Variants in CAMTA1 observed in about 807,000 individuals in gnomAD.
CAMTA1 encodes calmodulin-binding transcription activator 1.
A neutral mutation model predicts 170.9 loss-of-function variants in CAMTA1; 27 were observed. The observed-to-expected ratio is 0.16, with a 90% CI of 0.12 to 0.22. The LOEUF is 0.22. Ranked by LOEUF, CAMTA1 falls within the 10% of genes least tolerant of loss-of-function variation. The pLI, the probability that CAMTA1 is intolerant of heterozygous loss-of-function variation, is 1.00. For missense variants in CAMTA1, 1,619 were observed against 2,217.2 expected, an observed-to-expected ratio of 0.73 and a Z score of 5.42; for synonymous variants, 833 against 891.5, an observed-to-expected ratio of 0.93 and a Z score of 1.17.
intron 5 of CAMTA1, among the ~76,000 whole-genome samples, chr1:7,466,633 G>T (rs995707297): frequency 1.9e-4 from 29 of 152,170 alleles, no homozygotes; most frequent in African/African-American, 7.0e-4. Flanking sequence ...AGCAAGGAGA[G>T]GTGGGGGAGG....
At chr1:7,686,336 G>A (rs1169301358) in intron 11 of CAMTA1, among the ~76,000 whole-genome samples, 1 of 152,180 alleles carries the variant, frequency 6.6e-6, no homozygotes, top group African/African-American at 2.4e-5. Flanking sequence ...GTCAGAGGAG[G>A]CCTGTATGAG....
At chr1:7,575,436 T>A (rs2095179404) in intron 6 of CAMTA1, among the ~76,000 whole-genome samples, 1 of 152,190 alleles carries the variant, frequency 6.6e-6, no homozygotes, top group South Asian at 2.1e-4. Context: ...TCCTCCTGTT[T>A]CTTAGGGGCA....
chr1:7,765,755 C>G (rs1255036317), intron 22 of CAMTA1, among the ~76,000 whole-genome samples: 1 of 152,112 alleles, frequency 6.6e-6, no homozygotes, highest in Non-Finnish European at 1.5e-5. Flanking sequence ...AGGCCGGGCG[C>G]GGTGGCTCAC....
intron 3 of CAMTA1, among the ~76,000 whole-genome samples, chr1:7,039,605 A>G (rs1027428957): frequency 6.6e-6 from 1 of 152,196 alleles, no homozygotes; most frequent in African/African-American, 2.4e-5. Context: ...GGGGCGTTCT[A>G]TTCTGTGAAA....
intron 4 of CAMTA1, among the ~76,000 whole-genome samples, chr1:7,161,755 C>T (rs1210656499): frequency 4.6e-5 from 7 of 152,116 alleles, no homozygotes; most frequent in East Asian, 1.9e-4. Flanking sequence ...AGCACAAAAA[C>T]GGACTAATAT....
At chr1:7,414,268 C>T (rs1173428419) in intron 5 of CAMTA1, among the ~76,000 whole-genome samples, 6 of 152,084 alleles carry the variant, frequency 3.9e-5, no homozygotes, top group African/African-American at 4.8e-5. Flanking sequence ...TGATGCTGGC[C>T]TCATAAAATG....
chr1:7,552,206 C>A (rs1372943772), intron 6 of CAMTA1, among the ~76,000 whole-genome samples: 1 of 152,222 alleles, frequency 6.6e-6, no homozygotes. Context: ...CCCAGTGCCA[C>A]CCAGCCTAGC....
chr1:7,564,488 G>T (rs550538152), intron 6 of CAMTA1, among the ~76,000 whole-genome samples: 38 of 152,352 alleles, frequency 2.5e-4, no homozygotes, highest in African/African-American at 8.9e-4. Flanking sequence ...GGGAAAACGG[G>T]CTCCTCTGCC....
At chr1:6,923,596 C>T (rs185999769) in intron 3 of CAMTA1, among the ~76,000 whole-genome samples, 70 of 152,124 alleles carry the variant, frequency 4.6e-4, no homozygotes, top group Non-Finnish European at 5.9e-4. Flanking sequence ...TGGAGGGTGG[C>T]GGGGCTGGGG....
At chr1:7,266,226 G>T (rs544788465) in intron 5 of CAMTA1, among the ~76,000 whole-genome samples, 1 of 152,178 alleles carries the variant, frequency 6.6e-6, no homozygotes, top group Admixed American at 6.5e-5. Flanking sequence ...AAGGAACATG[G>T]TTCAGTTGCG....
At chr1:7,004,497 G>T (rs1205501884) in intron 3 of CAMTA1, among the ~76,000 whole-genome samples, 1 of 152,118 alleles carries the variant, frequency 6.6e-6, no homozygotes, top group Admixed American at 6.5e-5. Flanking sequence ...GGAGCCTTCA[G>T]AACTATGTGT....
chr1:7,733,425 CATT>C (rs1266667468), intron 12 of CAMTA1, among the ~76,000 whole-genome samples: 10 of 152,272 alleles, frequency 6.6e-5, no homozygotes, highest in African/African-American at 2.4e-4. Context: ...TGTAGAATGA[CATT>C]ATACATTACA....
At chr1:6,839,982 C>T (rs1654986322) in intron 3 of CAMTA1, among the ~76,000 whole-genome samples, 1 of 152,130 alleles carries the variant, frequency 6.6e-6, no homozygotes, top group African/African-American at 2.4e-5. Context: ...GGGCAGATCA[C>T]CTGAGGTCAG....
intron 3 of CAMTA1, among the ~76,000 whole-genome samples, chr1:6,999,187 G>A (rs1227540331): frequency 6.6e-6 from 1 of 152,096 alleles, no homozygotes; most frequent in Non-Finnish European, 1.5e-5. Context: ...TTGAATTCTT[G>A]TTCTGGTTTG....
At chr1:6,937,795 C>CCAT (rs1553191925) in intron 3 of CAMTA1, among the ~76,000 whole-genome samples, 39 of 144,836 alleles carry the variant, frequency 2.7e-4, no homozygotes, top group African/African-American at 6.4e-4. Context: ...ACCACCATCA[C>CCAT]CATCACCATC....
At chr1:6,871,114 A>G (rs1668284087) in intron 3 of CAMTA1, among the ~76,000 whole-genome samples, 2 of 152,190 alleles carry the variant, frequency 1.3e-5, no homozygotes, top group Admixed American at 6.5e-5. Flanking sequence ...ATACAGGAAA[A>G]ACAAAACAAA....
intron 11 of CAMTA1, among the ~76,000 whole-genome samples, chr1:7,716,002 G>A (rs1233808709): frequency 6.6e-6 from 1 of 152,134 alleles, no homozygotes; most frequent in Non-Finnish European, 1.5e-5. Flanking sequence ...TTATCAGAAG[G>A]GTCTATGATG....
intron 6 of CAMTA1, among the ~76,000 whole-genome samples, chr1:7,590,986 G>A (rs2150481326): frequency 1.3e-5 from 2 of 152,308 alleles, no homozygotes; most frequent in Admixed American, 1.3e-4. Flanking sequence ...GATAGGACTG[G>A]TGATTCCGTG....
At chr1:7,187,383 T>C (rs1037099240) in intron 4 of CAMTA1, among the ~76,000 whole-genome samples, 2 of 152,192 alleles carry the variant, frequency 1.3e-5, no homozygotes, top group East Asian at 3.8e-4. Context: ...TTTTTTAACA[T>C]AAAATACACA....
Sources: gnomAD v4.1 joint callset for allele counts (sites outside exome capture counted in the v4.1 genomes callset) on GRCh38, gnomAD v4.1.1 for gene constraint, MANE v1.5 for transcripts, NCBI Gene and HGNC (gene_info 2026-07-23, HGNC 2026-07-21) for gene names.